The following NBAS variants were observed in gnomAD, a reference collection of about 807,000 sequenced individuals.
The protein encoded by NBAS is NAG/BC035112 fusion.
NBAS carries 219 observed loss-of-function variants against 302.5 expected under a neutral mutation model. The ratio of observed to expected loss-of-function variants is 0.72; its 90% confidence interval spans 0.65 to 0.81. NBAS has a LOEUF of 0.81. Ranked by LOEUF, NBAS falls within the 30% of genes least tolerant of loss-of-function variation. The probability of loss-of-function intolerance (pLI) is 0.00; values close to 1 mark genes in which losing one functional copy is unlikely to be tolerated. For missense variants in NBAS, 2,932 were observed against 2,841.6 expected (o/e 1.03, Z -0.72); for synonymous variants, 1,118 against 1,021.6 (o/e 1.09, Z -1.80).
intron 35 of NBAS, among the ~76,000 whole-genome samples, chr2:15,335,699 C>T (rs550833512): frequency 1.3e-5 from 2 of 152,282 alleles, no homozygotes; most frequent in Middle Eastern, 3.4e-3. Flanking sequence ...TTCACTTATA[C>T]AAGCTCTTTA....
chr2:14,818,882 G>C, the NBAS span, among the ~76,000 whole-genome samples: 1 of 151,944 alleles, frequency 6.6e-6, no homozygotes, highest in Non-Finnish European at 1.5e-5. Context: ...TGTATTTTTA[G>C]GTCTTTGAAC....
chr2:15,119,398 T>C, the NBAS span, among the ~76,000 whole-genome samples: 27 of 137,126 alleles, frequency 2.0e-4, no homozygotes, highest in Admixed American at 1.3e-3. Context: ...AACCTCCACC[T>C]CCCGAGTTCC....
At position 15,186,816 on chromosome 2, in the gene NBAS, T is replaced by C. The variant is rs1465874826; in HGVS notation, c.6637A>G (p.Lys2213Glu). ...AAAACTTCATTCCCCAATCCTTCCT[T>C]GTTCTCCATCGTACATCTGGTTAGC... ...VMLTRCTMEN[K>E]EGLGNEVLKM... Residue 2213 changes from lysine to glutamate, a missense_variant, in exon 50 of 52, where the codon AAG (lysine) becomes GAG (glutamate). Coordinates refer to ENST00000281513, the MANE Select transcript of NBAS (RefSeq NM_015909.4). 6.2e-7 allele frequency: 1 copy of C among 1,613,834 alleles called. No homozygotes were observed. The highest frequency in any genetic ancestry group is 1.3e-5 in the African/African-American group (1 of 74,860).
At chr2:15,230,287 G>A (rs2147921940) in intron 47 of NBAS, among the ~76,000 whole-genome samples, 1 of 151,898 alleles carries the variant, frequency 6.6e-6, no homozygotes, top group African/African-American at 2.4e-5. Flanking sequence ...TGCATTATTG[G>A]GAAGGGAAAC....
chr2:15,275,271 C>T (rs781689765), intron 44 of NBAS, among the ~76,000 whole-genome samples: 4 of 152,082 alleles, frequency 2.6e-5, no homozygotes, highest in Non-Finnish European at 4.4e-5. Context: ...TGAGAATAGT[C>T]ATCTCTATTT....
At chr2:15,173,413 G>A (rs1309785583) in intron 51 of NBAS, among the ~76,000 whole-genome samples, 1 of 152,070 alleles carries the variant, frequency 6.6e-6, no homozygotes, top group Non-Finnish European at 1.5e-5. Context: ...TTGCTTTCAA[G>A]ATTATTTAAT....
chr2:14,781,710 C>A, the NBAS span, among the ~76,000 whole-genome samples: 1 of 145,434 alleles, frequency 6.9e-6, no homozygotes, highest in Non-Finnish European at 1.5e-5. Context: ...ATGAAGCACT[C>A]TCATGTTAAG....
chr2:15,177,639 A>C (rs1664611139), intron 51 of NBAS, among the ~76,000 whole-genome samples: 1 of 152,184 alleles, frequency 6.6e-6, no homozygotes, highest in East Asian at 1.9e-4. Context: ...GGGGAGGAAA[A>C]AAAATGCACT....
At chr2:15,066,246 T>C in the NBAS span, among the ~76,000 whole-genome samples, 1 of 152,154 alleles carries the variant, frequency 6.6e-6, no homozygotes. Flanking sequence ...AATGGATTAA[T>C]GATTTATACT....
chr2:15,295,040 T>C (rs1670483384), intron 40 of NBAS, among the ~76,000 whole-genome samples: 1 of 152,206 alleles, frequency 6.6e-6, no homozygotes, highest in Non-Finnish European at 1.5e-5. Flanking sequence ...GTTCTCCCAA[T>C]GGTTTCTCAT....
intron 32 of NBAS, among the ~76,000 whole-genome samples, chr2:15,358,856 T>C (rs922292902): frequency 2.0e-5 from 3 of 152,164 alleles, no homozygotes; most frequent in African/African-American, 7.2e-5. Context: ...TTTTTTTCCT[T>C]CTAAAGGCTA....
intron 47 of NBAS, among the ~76,000 whole-genome samples, chr2:15,230,393 CA>C (rs35319491): frequency 0.14 from 12,240 of 90,528 alleles, 654 homozygotes; most frequent in South Asian, 0.33. Context: ...ATTTTTTAGG[CA>C]AAAAAAAAAA....
intron 32 of NBAS, among the ~76,000 whole-genome samples, chr2:15,358,339 C>A (rs991433111): frequency 1.3e-5 from 2 of 152,092 alleles, no homozygotes; most frequent in Non-Finnish European, 2.9e-5. Context: ...TGTGCTTGAG[C>A]CCAAACCCTA....
the NBAS span, among the ~76,000 whole-genome samples, chr2:14,968,373 C>A: frequency 2.6e-5 from 4 of 152,156 alleles, no homozygotes; most frequent in African/African-American, 7.2e-5. Flanking sequence ...AGATGCTCAA[C>A]AACTTCATAT....
At chr2:15,011,412 TA>T in the NBAS span, among the ~76,000 whole-genome samples, 1 of 152,134 alleles carries the variant, frequency 6.6e-6, no homozygotes, top group East Asian at 1.9e-4. Context: ...ACCTCTTTTT[TA>T]AAAATCAGAC....
chr2:15,288,054 G>T (rs192784125), intron 41 of NBAS, among the ~76,000 whole-genome samples: 1 of 152,370 alleles, frequency 6.6e-6, no homozygotes, highest in Admixed American at 6.5e-5. Context: ...GCCAAGAACT[G>T]TCCAGTCAGA....
chr2:15,088,421 C>T, the NBAS span, among the ~76,000 whole-genome samples: 1 of 152,154 alleles, frequency 6.6e-6, no homozygotes. Context: ...TGCAAAGGCT[C>T]AGATGTTGAA....
Position 15,551,474 on chromosome 2 carries a change from A to G in NBAS, c.379+19T>C. Reference sequence around the variant, plus strand: ...CGCATTTGAAATTTTCATTCTTTAAATATTTTGGAAACTCTTACCTTGACA... The same window carrying G: ...CGCATTTGAAATTTTCATTCTTTAAGTATTTTGGAAACTCTTACCTTGACA... On this transcript the variant is annotated intron_variant, in intron 6 of 51. Transcript: ENST00000281513. 6.3e-7 allele frequency: 1 copy of G among 1,574,894 alleles called. No homozygotes were observed.
intron 9 of NBAS, among the ~76,000 whole-genome samples, chr2:15,525,325 T>C (rs962983641): frequency 3.9e-5 from 6 of 152,176 alleles, no homozygotes; most frequent in African/African-American, 1.4e-4. Context: ...CTGACCCTCC[T>C]TGGTGCTTGA....
Sources: allele counts gnomAD v4.1 joint callset (sites outside exome capture counted in the v4.1 genomes callset), GRCh38; gene constraint gnomAD v4.1.1; transcripts MANE v1.5; gene names NCBI Gene and HGNC (gene_info 2026-07-23, HGNC 2026-07-21).